The following PHGR1 variants were observed in gnomAD, a reference collection of about 807,000 sequenced individuals.
The protein encoded by PHGR1 is proline, histidine and glycine rich 1.
In PHGR1, 3 loss-of-function variants were observed where a neutral mutation model predicts 4.9. That is an observed-to-expected ratio of 0.61 (90% CI 0.28 to 1.58). PHGR1 has a LOEUF of 1.58. Among genes scored for constraint, PHGR1 ranks in the 40% most tolerant of loss-of-function variants. The pLI, the probability that PHGR1 is intolerant of heterozygous loss-of-function variation, is 0.11. For missense variants in PHGR1, 81 were observed against 118.7 expected, an observed-to-expected ratio of 0.68 and a Z score of 1.48; for synonymous variants, 32 against 46.1, an observed-to-expected ratio of 0.69 and a Z score of 1.24.
chr15:40,354,244 G>A, intron 2 of PHGR1, 101 bp from the exon 3 acceptor site: 5 of 1,344,950 alleles, frequency 3.7e-6, no homozygotes, highest in Non-Finnish European at 5.1e-6. Flanking sequence ...GGTTAGGGGT[G>A]TGGGCACAAA....
chr15:40,353,507 G>T (rs918594247), intron 2 of PHGR1: 2 of 533,744 alleles, frequency 3.7e-6, no homozygotes, highest in Admixed American at 3.2e-5. Flanking sequence ...AAGGGTAGGT[G>T]CTTCTCCCAC....
chr15:40,354,520 G>A (rs937488295), intron 3 of PHGR1, among the ~76,000 whole-genome samples, 168 bp downstream of exon 3: 13 of 152,114 alleles, frequency 8.5e-5, no homozygotes, highest in Non-Finnish European at 1.8e-4. Flanking sequence ...GGTGGGCAGC[G>A]CTGCACTCCT....
chr15:40,355,933 A>T, intron 3 of PHGR1, 140 bp from the exon 4 acceptor site: 1 of 869,794 alleles, frequency 1.1e-6, no homozygotes. Context: ...CATGCTACCC[A>T]TGCCCCCAGC....
chr15:40,352,954 G>A (rs1182060018), intron 1 of PHGR1, among the ~76,000 whole-genome samples: 2 of 152,144 alleles, frequency 1.3e-5, no homozygotes, highest in Non-Finnish European at 2.9e-5. Flanking sequence ...GGGGTGTAGG[G>A]GCTGGTACAT....
rs535390197 is a variant in PHGR1, at chr15:40,354,370, A to T, written c.18+18A>T. On this transcript the variant is annotated intron_variant, in intron 3 of 3. Transcript: ENST00000448599. Reference sequence around the variant, plus strand: ...GTCCGAAGGTAGGAAAGTTCCCCCAATGGTCTCCCCTTTTTCCTCCCACTG... The same window carrying T: ...GTCCGAAGGTAGGAAAGTTCCCCCATTGGTCTCCCCTTTTTCCTCCCACTG... The T allele has an allele frequency of 9.6e-5, 148 of 1,534,030 alleles. 2 individuals are homozygous for T. In the South Asian group the frequency reaches 1.2e-3, roughly 13 times the overall value.
In PHGR1 at chr15:40,356,409, C is replaced by T. The variant is rs62017981; in HGVS notation, c.*106C>T. On this transcript the variant is annotated 3_prime_UTR_variant, in exon 4 of 4. Coordinates refer to ENST00000448599, the MANE Select transcript of PHGR1 (RefSeq NM_001145643.2). ...TCTTCTCTTCCTAATAAACAGCCTCCTAGAGGCCACATTCTATTCTTTAAA... is the reference window on the plus strand; with the variant it reads ...TCTTCTCTTCCTAATAAACAGCCTCTTAGAGGCCACATTCTATTCTTTAAA... 0.21 allele frequency: 311,156 copies of T among 1,507,150 alleles called. 33,592 individuals carry two copies. The highest frequency in any genetic ancestry group is 0.22 in the Non-Finnish European group (246,429 of 1,109,038). The allele number at this position is 1,507,150 out of a possible 1,614,324, so 93.4% of individuals were successfully genotyped here.
chr15:40,353,317 G>A (rs1566911346), intron 2 of PHGR1, 50 bp downstream of exon 2: 4 of 1,551,108 alleles, frequency 2.6e-6, no homozygotes, highest in South Asian at 1.2e-5. Context: ...GAGAGAGCAG[G>A]AGAGCGGTAA....
At position 40,353,279 on chromosome 15, in the gene PHGR1, G is replaced by C; in HGVS notation, c.10+12G>C. ...AAAGATGGACCCAGGTAAGCACTGT[G>C]GCTGAGAGGCTGGGAATTGGAAGAA... On this transcript the variant is annotated intron_variant, in intron 2 of 3. Transcript: ENST00000448599. 1 of 1,551,630 alleles carries C rather than the reference G, an allele frequency of 6.4e-7. No individual in the cohort carries two copies. Among genetic ancestry groups the C allele is most frequent in the Non-Finnish European group, 8.7e-7 (1 of 1,146,948 alleles).
chr15:40,355,400 G>A (rs1236241328), intron 3 of PHGR1, among the ~76,000 whole-genome samples: 2 of 152,118 alleles, frequency 1.3e-5, no homozygotes, highest in African/African-American at 4.8e-5. Context: ...ACGTATCTGT[G>A]TACATACCAA....
intron 1 of PHGR1, 59 bp from the exon 2 acceptor site, chr15:40,353,173 G>C: frequency 1.3e-6 from 2 of 1,502,192 alleles, no homozygotes; most frequent in Non-Finnish European, 1.8e-6. Context: ...CCGTGGGAGG[G>C]AGAAAGGAAA....
At chr15:40,351,436 G>A (rs947479037) in intron 1 of PHGR1, among the ~76,000 whole-genome samples, 4 of 152,236 alleles carry the variant, frequency 2.6e-5, no homozygotes, top group South Asian at 2.1e-4. Context: ...CGTCTTACCC[G>A]ATCCTGACTG....
chr15:40,356,036 C>T (rs1436340840), intron 3 of PHGR1, 37 bp from the exon 4 acceptor site: 4 of 1,540,836 alleles, frequency 2.6e-6, no homozygotes, highest in African/African-American at 1.4e-5. Context: ...TTAGCCCTGA[C>T]CTCTGACTCT....
rs1051806173 is a variant in PHGR1 at position 40,356,245 on chromosome 15, C to G, written c.191C>G (p.Pro64Arg). The G allele has an allele frequency of 2.6e-6, 4 of 1,541,896 alleles. No homozygotes were observed. The highest frequency in any genetic ancestry group is 1.7e-4 in the Middle Eastern group (1 of 5,976). Reference protein sequence around the residue: ...CGPPPHHGPGPCGPPPGHGPG... With the variant: ...CGPPPHHGPGRCGPPPGHGPG... ...CCACCCCCCCACCATGGTCCAGGGCCCTGCGGGCCTCCCCCTGGCCATGGC... is the reference window on the plus strand; with the variant it reads ...CCACCCCCCCACCATGGTCCAGGGCGCTGCGGGCCTCCCCCTGGCCATGGC... Residue 64 changes from proline to arginine, a missense_variant, in exon 4 of 4, where the codon CCC becomes CGC. Physicochemically the swap from Pro to Arg is moderately radical, Grantham distance 103. Coordinates refer to ENST00000448599, the MANE Select transcript of PHGR1 (RefSeq NM_001145643.2).
At position 40,356,250 on chromosome 15, in the gene PHGR1, G is replaced by GGGCC. The variant is rs1184478293; in HGVS notation, c.197_200dup (p.Pro68AlafsTer20). The GGGCC allele has an allele frequency of 6.5e-7, 1 of 1,545,646 alleles. No individual in the cohort carries two copies. The highest frequency in any genetic ancestry group is 1.4e-5 in the African/African-American group (1 of 71,996). ...CCCCCACCATGGTCCAGGGCCCTGC[G>GGGCC]GGCCTCCCCCTGGCCATGGCCCAGG... On this transcript the variant is annotated frameshift_variant, in exon 4 of 4. Coordinates refer to ENST00000448599, the MANE Select transcript of PHGR1 (RefSeq NM_001145643.2). LOFTEE classifies it low-confidence loss of function (END_TRUNC).
chr15:40,354,496 T>C, intron 3 of PHGR1, 144 bp downstream of exon 3: 1 of 1,058,982 alleles, frequency 9.4e-7, no homozygotes, highest in Non-Finnish European at 1.3e-6. Context: ...AGCAGCCCCG[T>C]GGAGTGGGGG....
Position 40,353,227 on chromosome 15 carries a change from C to G in PHGR1, c.-26-5C>G. The G allele has an allele frequency of 6.5e-7, 1 of 1,550,210 alleles. No individual in the cohort carries two copies. The highest frequency in any genetic ancestry group is 8.7e-7 in the Non-Finnish European group (1 of 1,146,242). ...AGTAAATTAAAAGTTACCTTTTGAA[C>G]ACAGGTATTCCCTGCTCTTACTCCA... On this transcript the variant is annotated splice_region_variant and splice_polypyrimidine_tract_variant and intron_variant, in intron 1 of 3. Transcript: ENST00000448599.
chr15:40,356,305 G>A lies in PHGR1; in HGVS notation c.*2G>A, dbSNP rs1413358804. The A allele has an allele frequency of 1.3e-6, 2 of 1,549,870 alleles. No individual in the cohort carries two copies. The highest frequency in any genetic ancestry group is 1.7e-6 in the Non-Finnish European group (2 of 1,146,622). On this transcript the variant is annotated 3_prime_UTR_variant, in exon 4 of 4. Coordinates refer to ENST00000448599, the MANE Select transcript of PHGR1 (RefSeq NM_001145643.2). ...CCACCCCCTGGTCCACATCACTGAG[G>A]AAGTAGAAGAAAACAGGACACAAGA...
rs1158004390 is a variant in PHGR1 at position 40,356,281 on chromosome 15, C to T, written c.227C>T (p.Pro76Leu). The change falls in exon 4 of 4, where the codon CCA (proline) becomes CTA (leucine). Residue 76 changes from proline (P) to leucine (L), a missense_variant. Coordinates refer to ENST00000448599, the MANE Select transcript of PHGR1 (RefSeq NM_001145643.2). ...GPPPGHGPGH[P>L]PPGPHH ...CCCCCTGGCCATGGCCCAGGTCACC[C>T]ACCCCCTGGTCCACATCACTGAGGA... 1 of 1,549,416 alleles carries T rather than the reference C, an allele frequency of 6.5e-7. No individual in the cohort carries two copies. The highest frequency in any genetic ancestry group is 8.7e-7 in the Non-Finnish European group (1 of 1,146,530).
At chr15:40,354,414 T>C (rs1008400162) in intron 3 of PHGR1, 62 bp downstream of exon 3, 1 of 1,488,358 alleles carries the variant, frequency 6.7e-7, no homozygotes, top group Admixed American at 2.0e-5. Context: ...TCCAGACCCC[T>C]AGCCTCCTTC....
Sources: allele counts gnomAD v4.1 joint callset (sites outside exome capture counted in the v4.1 genomes callset), GRCh38; gene constraint gnomAD v4.1.1; transcripts MANE v1.5; gene names NCBI Gene and HGNC (gene_info 2026-07-23, HGNC 2026-07-21).